Variants in CMIP observed in about 807,000 individuals in gnomAD.
The protein encoded by CMIP is C-Maf-inducing protein.
CMIP carries 13 observed loss-of-function variants against 97.3 expected under a neutral mutation model. That is an observed-to-expected ratio of 0.13 (90% CI 0.09 to 0.21). The LOEUF (loss-of-function observed/expected upper bound fraction) is 0.21. Ranked by LOEUF, CMIP falls within the 10% of genes least tolerant of loss-of-function variation. The probability of loss-of-function intolerance (pLI) is 1.00; values close to 1 mark genes in which losing one functional copy is unlikely to be tolerated. For missense variants in CMIP, 847 were observed against 1,024.9 expected (o/e 0.83, Z 2.37); for synonymous variants, 538 against 436.3 (o/e 1.23, Z -2.91).
chr16:81,571,724 G>A (rs1249951847), intron 1 of CMIP, among the ~76,000 whole-genome samples: 2 of 152,108 alleles, frequency 1.3e-5, no homozygotes, highest in Admixed American at 6.5e-5. Flanking sequence ...ATGGCTTAGT[G>A]AGCACGTCGT....
At chr16:81,518,984 C>G (rs755196634) in intron 1 of CMIP, 1 of 152,198 alleles carries the variant, frequency 6.6e-6, no homozygotes, top group African/African-American at 2.4e-5. Context: ...TACAGGCGCC[C>G]GCGCCACGCC....
In CMIP at chr16:81,524,289, T is replaced by A. The variant is rs551811571; in HGVS notation, c.300+78748T>A. On this transcript the variant is annotated intron_variant, in intron 1 of 20. Transcript: ENST00000537098. ...TCTGTAGTGGGCTCTGGGGGTAACA[T>A]GGCACATGAAACAGAGATGGTGTCT... Among the ~76,000 whole-genome samples the A allele has an allele frequency of 4.6e-5, 7 of 152,326 alleles. No individual in the cohort carries two copies. The South Asian group carries it at 1.5e-3, about 32-fold the overall frequency.
chr16:81,538,010 A>G (rs1045996206), intron 1 of CMIP, among the ~76,000 whole-genome samples: 2 of 152,132 alleles, frequency 1.3e-5, no homozygotes, highest in African/African-American at 4.8e-5. Flanking sequence ...CATCGTTTCC[A>G]CTCACCAGGG....
At chr16:81,457,918 C>T (rs1184449535) in intron 1 of CMIP, among the ~76,000 whole-genome samples, 4 of 152,220 alleles carry the variant, frequency 2.6e-5, no homozygotes, top group African/African-American at 4.8e-5. Flanking sequence ...TTGGCAAGCT[C>T]CCCCCTACCT....
chr16:81,672,159 G>A (rs2092689123), intron 9 of CMIP, 89 bp downstream of exon 9: 5 of 740,010 alleles, frequency 6.8e-6, no homozygotes, highest in Middle Eastern at 2.3e-4. Context: ...AACTGACCAG[G>A]CCAGAGAGGT....
intron 16 of CMIP, 34 bp downstream of exon 16, chr16:81,701,834 C>T (rs1291548759): frequency 6.2e-7 from 1 of 1,611,416 alleles, no homozygotes. Flanking sequence ...CACTCCCCTG[C>T]CCAGCAGGCC....
chr16:81,447,332 A>G (rs1905920510), intron 1 of CMIP, among the ~76,000 whole-genome samples: 1 of 151,686 alleles, frequency 6.6e-6, no homozygotes, highest in Admixed American at 6.6e-5. Context: ...TGCCATGGGA[A>G]GGCCAGGAGG....
rs146177793 is a variant in CMIP, at chr16:81,687,886, A to G, written c.1389-3889A>G. 8.9e-4 allele frequency among the ~76,000 whole-genome samples: 135 copies of G among 152,304 alleles called. No homozygotes were observed. In the Middle Eastern group the frequency reaches 0.017, roughly 19 times the overall value. On this transcript the variant is annotated intron_variant, in intron 10 of 20. Coordinates refer to ENST00000537098, the MANE Select transcript of CMIP (RefSeq NM_198390.3). ...TGCTTCCCTGCTGTGGCCTGGCTGT[A>G]TCACAGCCCTGTGGTCACGGTCAGT...
intron 4 of CMIP, among the ~76,000 whole-genome samples, chr16:81,654,721 G>A (rs943996314): frequency 1.3e-5 from 2 of 152,214 alleles, no homozygotes; most frequent in Non-Finnish European, 2.9e-5. Flanking sequence ...GTAACCAGGG[G>A]TGCTGAGAGG....
intron 7 of CMIP, chr16:81,665,712 T>G (rs543620971): frequency 1.3e-5 from 2 of 152,322 alleles, no homozygotes; most frequent in Admixed American, 6.5e-5. Context: ...CCCTGAAGAA[T>G]AGTATATCAC....
At chr16:81,474,195 C>T (rs183770547) in intron 1 of CMIP, among the ~76,000 whole-genome samples, 7 of 152,234 alleles carry the variant, frequency 4.6e-5, no homozygotes, top group Non-Finnish European at 7.4e-5. Context: ...AGCTTGTGGG[C>T]GTGGACTTTG....
chr16:81,534,418 T>C (rs560011064), intron 1 of CMIP, among the ~76,000 whole-genome samples: 3 of 152,356 alleles, frequency 2.0e-5, no homozygotes, highest in East Asian at 1.9e-4. Flanking sequence ...TTTTGAAATA[T>C]AGAAAACTGT....
At chr16:81,601,505 T>G (rs958738276) in intron 1 of CMIP, among the ~76,000 whole-genome samples, 1 of 152,138 alleles carries the variant, frequency 6.6e-6, no homozygotes, top group Non-Finnish European at 1.5e-5. Flanking sequence ...TGAAGATCTC[T>G]GGGGGTTCAC....
chr16:81,640,079 A>G (rs2150986947), intron 3 of CMIP, among the ~76,000 whole-genome samples: 1 of 152,148 alleles, frequency 6.6e-6, no homozygotes, highest in South Asian at 2.1e-4. Flanking sequence ...TCCCTACCCG[A>G]ATTCTCCTGG....
chr16:81,561,143 CAG>C (rs1470539384), intron 1 of CMIP, among the ~76,000 whole-genome samples: 27 of 152,170 alleles, frequency 1.8e-4, no homozygotes, highest in Admixed American at 1.6e-3. Flanking sequence ...TTTATAGAGA[CAG>C]GGTTTCACCA....
intron 3 of CMIP, among the ~76,000 whole-genome samples, chr16:81,639,062 C>G (rs1223158106): frequency 1.3e-5 from 2 of 152,140 alleles, no homozygotes; most frequent in African/African-American, 4.8e-5. Context: ...GTGTGTGTGG[C>G]TCAGTCCCTT....
rs138129649 is a variant in CMIP at position 81,521,821 on chromosome 16, G to A, written c.300+76280G>A. Reference sequence around the variant, plus strand: ...ATAAGATACTTTTCTACAATTGGGAGTTGGCCGAGATTAGGGAAAGGAGAA... The same window carrying A: ...ATAAGATACTTTTCTACAATTGGGAATTGGCCGAGATTAGGGAAAGGAGAA... On this transcript the variant is annotated intron_variant, in intron 1 of 20. Coordinates refer to ENST00000537098, the MANE Select transcript of CMIP (RefSeq NM_198390.3). Among the ~76,000 whole-genome samples the A allele has an allele frequency of 1.1e-4, 16 of 152,286 alleles. No individual in the cohort carries two copies. The East Asian group carries it at 3.1e-3, about 29-fold the overall frequency.
chr16:81,660,892 T>C lies in CMIP; in HGVS notation c.690T>C (p.Ala230=), dbSNP rs2092538170. Residue 230 remains alanine, a synonymous_variant, in exon 6 of 21, where the codon GCT becomes GCC. Transcript: ENST00000537098. ...TGTTTGTTGTGTTTCAGGCAATCGC[T>C]CCTTTGCTGGAAAACAACCACCCAC... ...QEHENIIVAI[A]PLLENNHPPP... 6.2e-7 allele frequency: 1 copy of C among 1,613,908 alleles called. No homozygotes were observed. The highest frequency in any genetic ancestry group is 1.1e-5 in the South Asian group (1 of 91,094).
intron 1 of CMIP, among the ~76,000 whole-genome samples, chr16:81,582,744 A>G (rs1234954723): frequency 6.6e-6 from 1 of 152,174 alleles, no homozygotes. Flanking sequence ...TTGGGTTTCC[A>G]AGACCATGAA....
Sources: allele counts gnomAD v4.1 joint callset (sites outside exome capture counted in the v4.1 genomes callset), GRCh38; gene constraint gnomAD v4.1.1; transcripts MANE v1.5; gene names NCBI Gene and HGNC (gene_info 2026-07-23, HGNC 2026-07-21).